Variants in PLPPR1 observed in about 807,000 individuals in gnomAD.
PLPPR1 encodes phospholipid phosphatase related 1, also known as phospholipid phosphatase-related protein type 1.
In PLPPR1, 10 loss-of-function variants were observed where a neutral mutation model predicts 33.1. That is an observed-to-expected ratio of 0.30 (90% confidence interval 0.19 to 0.51). The LOEUF is 0.51. Ranked by LOEUF, PLPPR1 falls within the 20% of genes least tolerant of loss-of-function variation. The pLI is 0.97. For missense variants in PLPPR1, 304 were observed against 408.1 expected, an observed-to-expected ratio of 0.74 and a Z score of 2.20; for synonymous variants, 151 against 151.0, an observed-to-expected ratio of 1.00 and a Z score of 0.00.
At chr9:101,151,778 CA>C (rs2118651158) in intron 1 of PLPPR1, among the ~76,000 whole-genome samples, 1 of 152,270 alleles carries the variant, frequency 6.6e-6, no homozygotes, top group South Asian at 2.1e-4. Context: ...TTTCCCAGTA[CA>C]AAACTTAAAG....
In PLPPR1 at chr9:101,043,279, ATG is replaced by A. The variant is rs1053168812; in HGVS notation, c.-46+14189_-46+14190del. ...CTGAGTAGTATTCCATCATATATAT[ATG>A]TGTGTGTGTGTATATATGTATGTAT... is the stretch of plus-strand genomic sequence containing the variant. On this transcript the variant is annotated intron_variant, in intron 1 of 7. Coordinates refer to ENST00000374874, the MANE Select transcript of PLPPR1 (RefSeq NM_207299.2). Among the ~76,000 whole-genome samples the A allele has an allele frequency of 4.0e-5, 6 of 151,030 alleles. No homozygotes were observed. In the East Asian group the frequency reaches 5.8e-4, roughly 15 times the overall value.
chr9:101,168,517 A>G (rs1237579068), intron 1 of PLPPR1, among the ~76,000 whole-genome samples: 1 of 152,112 alleles, frequency 6.6e-6, no homozygotes, highest in Non-Finnish European at 1.5e-5. Flanking sequence ...TCTACTTCCT[A>G]TGAATTCTCA....
At position 101,269,928 on chromosome 9, in the gene PLPPR1, A is replaced by C; in HGVS notation, c.112A>C (p.Thr38Pro). ...GCTGCTTGCCTACTACTTCGAATGCACTGACACTTTTCAGGTGCATATCCA... is the reference window on the plus strand; with the variant it reads ...GCTGCTTGCCTACTACTTCGAATGCCCTGACACTTTTCAGGTGCATATCCA... ...TVLLAYYFEC[T>P]DTFQVHIQGF... Residue 38 changes from threonine (T) to proline (P), a missense_variant, in exon 3 of 8, where the codon ACT becomes CCT. Transcript: ENST00000374874. 6.2e-7 allele frequency: 1 copy of C among 1,614,158 alleles called. No homozygotes were observed. Among genetic ancestry groups the C allele is most frequent in the East Asian group, 2.2e-5 (1 of 44,884 alleles).
chr9:101,035,276 T>C (rs1829996101), intron 1 of PLPPR1, among the ~76,000 whole-genome samples: 1 of 152,200 alleles, frequency 6.6e-6, no homozygotes, highest in African/African-American at 2.4e-5. Context: ...AACTCTGTCA[T>C]CTAGCTATTT....
At chr9:101,223,564 G>T (rs1463422335) in intron 2 of PLPPR1, among the ~76,000 whole-genome samples, 1 of 152,106 alleles carries the variant, frequency 6.6e-6, no homozygotes, top group African/African-American at 2.4e-5. Context: ...TCAAGGGAGA[G>T]ACCAGGTGGA....
chr9:101,181,182 A>G (rs934871680), intron 1 of PLPPR1, among the ~76,000 whole-genome samples: 3 of 146,988 alleles, frequency 2.0e-5, no homozygotes, highest in Non-Finnish European at 4.5e-5. Context: ...ATATATATTT[A>G]TAAATTTATA....
intron 1 of PLPPR1, among the ~76,000 whole-genome samples, chr9:101,083,399 A>C (rs2118516092): frequency 6.6e-6 from 1 of 152,188 alleles, no homozygotes; most frequent in Non-Finnish European, 1.5e-5. Flanking sequence ...GAAAAAAAAA[A>C]AAAAAAAGTT....
chr9:101,066,050 T>C (rs928476355), intron 1 of PLPPR1, among the ~76,000 whole-genome samples: 1 of 152,074 alleles, frequency 6.6e-6, no homozygotes, highest in African/African-American at 2.4e-5. Context: ...CCACTCAGGA[T>C]ACCACATTGC....
intron 2 of PLPPR1, among the ~76,000 whole-genome samples, chr9:101,267,438 A>G (rs1828017992): frequency 6.6e-6 from 1 of 152,202 alleles, no homozygotes; most frequent in Non-Finnish European, 1.5e-5. Context: ...GGTGATTTAC[A>G]TGTGGCCCCA....
At chr9:101,189,069 AT>A (rs151250777) in intron 2 of PLPPR1, among the ~76,000 whole-genome samples, 1,971 of 152,224 alleles carry the variant, frequency 0.013, 17 homozygotes, top group Non-Finnish European at 0.021. Context: ...TGTGAGCTAA[AT>A]ATGAGTGACC....
intron 2 of PLPPR1, among the ~76,000 whole-genome samples, chr9:101,266,583 G>T (rs760221236): frequency 2.0e-5 from 3 of 152,034 alleles, no homozygotes; most frequent in African/African-American, 7.2e-5. Flanking sequence ...GGTCTCCAAG[G>T]TTCTCTGTTC....
At chr9:101,264,328 A>G (rs988939219) in intron 2 of PLPPR1, among the ~76,000 whole-genome samples, 3 of 152,182 alleles carry the variant, frequency 2.0e-5, no homozygotes, top group Middle Eastern at 3.4e-3. Context: ...TTGAATATCT[A>G]TATTGATGGA....
intron 1 of PLPPR1, among the ~76,000 whole-genome samples, chr9:101,047,941 TTAATGTTGAAGG>T (rs747368510): frequency 1.6e-4 from 24 of 152,198 alleles, no homozygotes; most frequent in Non-Finnish European, 2.5e-4. Flanking sequence ...AACTGAACCT[TTAATGTTGAAGG>T]AAGTGATTTA....
At chr9:101,189,586 G>A (rs145965655) in intron 2 of PLPPR1, among the ~76,000 whole-genome samples, 1 of 152,206 alleles carries the variant, frequency 6.6e-6, no homozygotes, top group African/African-American at 2.4e-5. Context: ...ATATGTCTAA[G>A]TGTGAATTTA....
chr9:101,238,337 CTATA>C (rs926108296), intron 2 of PLPPR1, among the ~76,000 whole-genome samples: 3 of 102,940 alleles, frequency 2.9e-5, no homozygotes, highest in Non-Finnish European at 5.6e-5. Context: ...ATATACCTCT[CTATA>C]TATAGAGGTG....
chr9:101,258,449 G>C (rs911398419), intron 2 of PLPPR1, among the ~76,000 whole-genome samples: 1 of 152,130 alleles, frequency 6.6e-6, no homozygotes, highest in African/African-American at 2.4e-5. Context: ...TGTGTAGCAG[G>C]AGTTTGCTGA....
chr9:101,314,891 C>T (rs141504860), intron 6 of PLPPR1, among the ~76,000 whole-genome samples: 2 of 152,310 alleles, frequency 1.3e-5, no homozygotes, highest in Non-Finnish European at 2.9e-5. Context: ...GATGAAGTTG[C>T]AGGAAAAGCA....
chr9:101,085,273 G>A (rs753091432), intron 1 of PLPPR1, among the ~76,000 whole-genome samples: 8 of 152,154 alleles, frequency 5.3e-5, no homozygotes, highest in Non-Finnish European at 1.0e-4. Flanking sequence ...CAATTTGGTT[G>A]TTCAACTATT....
In PLPPR1 at chr9:101,318,564, G is replaced by A. The variant is rs59824690; in HGVS notation, c.945+1068G>A. Among the ~76,000 whole-genome samples, 401 of 152,282 alleles carry A rather than the reference G, an allele frequency of 2.6e-3. 3 individuals carry two copies. Among genetic ancestry groups the A allele is most frequent in the African/African-American group, 9.4e-3 (391 of 41,562 alleles). On this transcript the variant is annotated intron_variant, in intron 7 of 7. Coordinates refer to ENST00000374874, the MANE Select transcript of PLPPR1 (RefSeq NM_207299.2). Reference sequence around the variant, plus strand: ...AGGCAGGTGAATTGCTTGAGCCCAGGAGTTTGAGACCAGACTGGGCAACAT... The same window carrying A: ...AGGCAGGTGAATTGCTTGAGCCCAGAAGTTTGAGACCAGACTGGGCAACAT...
Sources: allele counts gnomAD v4.1 joint callset (sites outside exome capture counted in the v4.1 genomes callset), GRCh38; gene constraint gnomAD v4.1.1; transcripts MANE v1.5; gene names NCBI Gene and HGNC (gene_info 2026-07-23, HGNC 2026-07-21).